The following RBFOX1 variants were observed in gnomAD, a reference collection of about 807,000 sequenced individuals.
RBFOX1 encodes the protein RNA binding fox-1 homolog 1, also known as RNA binding protein fox-1 homolog 1.
RBFOX1 carries 8 observed loss-of-function variants against 57.7 expected under a neutral mutation model. The observed-to-expected ratio is 0.14, with a 90% CI of 0.08 to 0.25. RBFOX1 has a LOEUF of 0.25. RBFOX1 is among the 10% of genes least tolerant of loss of function. The probability of loss-of-function intolerance (pLI) is 1.00; values close to 1 mark genes in which losing one functional copy is unlikely to be tolerated. For synonymous variants in RBFOX1, 326 were observed against 222.4 expected (o/e 1.47, Z -4.15); for missense variants, 611 against 548.5 (o/e 1.11, Z -1.14).
chr16:7,627,688 C>T (rs1037338156), intron 10 of RBFOX1, among the ~76,000 whole-genome samples: 1 of 152,096 alleles, frequency 6.6e-6, no homozygotes, highest in African/African-American at 2.4e-5. Flanking sequence ...AACAAACACA[C>T]TTACCTTTCC....
In RBFOX1 at chr16:5,508,813, G is replaced by A. The variant is rs558603724; in HGVS notation, c.258+41559G>A. 9.8e-5 allele frequency among the ~76,000 whole-genome samples: 15 copies of A among 152,340 alleles called. No homozygotes were observed. The South Asian group carries it at 2.7e-3, about 27-fold the overall frequency. Reference sequence around the variant, plus strand: ...CCCTGCAGTCAGGTTGGCAGAAGTCGAGAGCTGACATTGCCTCTGGAATGT... The same window carrying A: ...CCCTGCAGTCAGGTTGGCAGAAGTCAAGAGCTGACATTGCCTCTGGAATGT... On this transcript the variant is annotated intron_variant, in intron 2 of 2. Transcript: ENST00000585867.
rs559677400 is a variant in RBFOX1, at chr16:6,383,203, A to C, written c.-64+66146A>C. Reference sequence around the variant, plus strand: ...ATCTGGCTTTCTTCTTGTTAAAGGAAGCATTTGATGGCAGCCTGGATGAAA... The same window carrying C: ...ATCTGGCTTTCTTCTTGTTAAAGGACGCATTTGATGGCAGCCTGGATGAAA... On this transcript the variant is annotated intron_variant, in intron 2 of 15. Coordinates refer to ENST00000550418, the MANE Select transcript of RBFOX1 (RefSeq NM_018723.4). Among the ~76,000 whole-genome samples, 26 of 152,344 alleles carry C rather than the reference A, an allele frequency of 1.7e-4. No individual in the cohort carries two copies. The South Asian group carries it at 4.4e-3, about 26-fold the overall frequency.
chr16:6,600,383 G>T (rs753224413), intron 2 of RBFOX1, among the ~76,000 whole-genome samples: 1 of 151,992 alleles, frequency 6.6e-6, no homozygotes, highest in Non-Finnish European at 1.5e-5. Flanking sequence ...CACATGTTCC[G>T]TTACAATCAT....
At chr16:6,586,269 T>G (rs1476966) in intron 2 of RBFOX1, among the ~76,000 whole-genome samples, 1 of 152,044 alleles carries the variant, frequency 6.6e-6, no homozygotes, top group Admixed American at 6.6e-5. Context: ...TTTGAACCAC[T>G]CGTCTTACAA....
At chr16:6,261,535 C>G in intron 1 of RBFOX1, among the ~76,000 whole-genome samples, 1 of 152,182 alleles carries the variant, frequency 6.6e-6, no homozygotes, top group Middle Eastern at 3.2e-3. Context: ...GAGCCATTTG[C>G]TGGGTCATCC....
intron 3 of RBFOX1, among the ~76,000 whole-genome samples, chr16:5,682,322 T>C (rs1264068972): frequency 6.6e-6 from 1 of 152,200 alleles, no homozygotes; most frequent in African/African-American, 2.4e-5. Context: ...AAGAACTTTT[T>C]TAAAAATTGC....
rs1459540559 is a variant in RBFOX1 at position 7,337,066 on chromosome 16, C to T, written c.28-181081C>T. On this transcript the variant is annotated intron_variant, in intron 4 of 15. Transcript: ENST00000550418. ...ATTTTCAAAATGCTGGTGACTCCAA[C>T]GGGTCTTAGGTAAGAAATTGCAGTC... 4.6e-5 allele frequency among the ~76,000 whole-genome samples: 7 copies of T among 152,148 alleles called. No homozygotes were observed. In the East Asian group the frequency reaches 7.7e-4, roughly 17 times the overall value.
intron 14 of RBFOX1, among the ~76,000 whole-genome samples, chr16:7,703,250 G>T (rs2081352285): frequency 1.3e-5 from 2 of 152,136 alleles, no homozygotes; most frequent in African/African-American, 4.8e-5. Context: ...GCAGAGACCC[G>T]GGCCATTCAT....
intron 4 of RBFOX1, among the ~76,000 whole-genome samples, chr16:7,409,696 C>T (rs913061160): frequency 6.6e-6 from 1 of 152,160 alleles, no homozygotes; most frequent in Non-Finnish European, 1.5e-5. Flanking sequence ...TTCCCTTAAC[C>T]CCATCACCAC....
intron 4 of RBFOX1, among the ~76,000 whole-genome samples, chr16:7,300,755 T>A (rs966360646): frequency 5.9e-5 from 9 of 152,226 alleles, no homozygotes; most frequent in Non-Finnish European, 1.2e-4. Flanking sequence ...AGTTACAATA[T>A]TATTTTATGA....
At chr16:6,628,170 C>T (rs2098335353) in intron 2 of RBFOX1, among the ~76,000 whole-genome samples, 1 of 152,230 alleles carries the variant, frequency 6.6e-6, no homozygotes, top group Non-Finnish European at 1.5e-5. Flanking sequence ...CTGCCTCTTC[C>T]TGCTTACGGG....
Position 7,406,358 on chromosome 16 carries a change from C to T in RBFOX1, c.28-111789C>T, listed in dbSNP as rs565185050. On this transcript the variant is annotated intron_variant, in intron 4 of 15. Coordinates refer to ENST00000550418, the MANE Select transcript of RBFOX1 (RefSeq NM_018723.4). Reference sequence around the variant, plus strand: ...TGCACTGCGTTATAGAAGAGTAAACCGAGGCCCAGAGCTCTTGCTTTCCTT... The same window carrying T: ...TGCACTGCGTTATAGAAGAGTAAACTGAGGCCCAGAGCTCTTGCTTTCCTT... Among the ~76,000 whole-genome samples the T allele has an allele frequency of 4.1e-4, 63 of 152,196 alleles. No individual in the cohort carries two copies. The South Asian group carries it at 0.011, about 27-fold the overall frequency.
rs982710236 is a variant in RBFOX1, at chr16:6,783,590, T to C, written c.-16+128940T>C. Among the ~76,000 whole-genome samples, 31 of 152,258 alleles carry C rather than the reference T, an allele frequency of 2.0e-4. 1 individual carries two copies. In the East Asian group the frequency reaches 2.3e-3, roughly 11 times the overall value. On this transcript the variant is annotated intron_variant, in intron 3 of 15. Transcript: ENST00000550418. ...CTGACTTTTTGCTATCTCTGTCTTT[T>C]TTACTGTCTTTCAACAAATTGTTGT...
At chr16:7,244,954 G>C (rs1315672759) in intron 4 of RBFOX1, among the ~76,000 whole-genome samples, 2 of 152,184 alleles carry the variant, frequency 1.3e-5, no homozygotes, top group Non-Finnish European at 2.9e-5. Context: ...GGGAGCAGTG[G>C]GGATTGTGGC....
At chr16:5,339,401 G>C (rs1340257012) in intron 1 of RBFOX1, among the ~76,000 whole-genome samples, 1 of 145,104 alleles carries the variant, frequency 6.9e-6, no homozygotes, top group Non-Finnish European at 1.5e-5. Context: ...GTCCTTATGA[G>C]ACCAAACTCA....
At position 6,991,096 on chromosome 16, in the gene RBFOX1, G is replaced by T. The variant is rs1258059743; in HGVS notation, c.-15-60961G>T. On this transcript the variant is annotated intron_variant, in intron 3 of 15. Transcript: ENST00000550418. Reference sequence around the variant, plus strand: ...GTGGGTGGCCTGCTTCAGCACAGAAGTTCGAGGCCATCCTAGGCAACGTAA... The same window carrying T: ...GTGGGTGGCCTGCTTCAGCACAGAATTTCGAGGCCATCCTAGGCAACGTAA... Among the ~76,000 whole-genome samples, 3 of 122,546 alleles carry T rather than the reference G, an allele frequency of 2.4e-5. No individual in the cohort carries two copies. In the East Asian group the frequency reaches 8.1e-4, roughly 33 times the overall value. The allele number at this position is 122,546 out of a possible 152,430, so 80.4% of individuals were successfully genotyped here.
intron 1 of RBFOX1, among the ~76,000 whole-genome samples, chr16:6,063,861 C>G (rs543531930): frequency 1.2e-4 from 19 of 152,180 alleles, no homozygotes; most frequent in South Asian, 2.1e-4. Flanking sequence ...AGTTGTCTGT[C>G]TTTATATCCT....
At chr16:6,333,013 T>C (rs1275380550) in intron 2 of RBFOX1, among the ~76,000 whole-genome samples, 1 of 152,216 alleles carries the variant, frequency 6.6e-6, no homozygotes, top group Non-Finnish European at 1.5e-5. Context: ...TCCAATGTCA[T>C]GTTTTGATGT....
At chr16:5,274,778 A>T (rs532957996) in intron 1 of RBFOX1, among the ~76,000 whole-genome samples, 4 of 152,326 alleles carry the variant, frequency 2.6e-5, no homozygotes, top group East Asian at 1.9e-4. Context: ...CAAGCAGGAC[A>T]GGTAAGATCT....
Sources: allele counts gnomAD v4.1 joint callset (sites outside exome capture counted in the v4.1 genomes callset), GRCh38; gene constraint gnomAD v4.1.1; transcripts MANE v1.5; gene names NCBI Gene and HGNC (gene_info 2026-07-23, HGNC 2026-07-21).